CDK18: variants seen among roughly 807,000 people sequenced by gnomAD.
The protein encoded by CDK18 is cyclin-dependent kinase 18.
Under a neutral mutation model 62.0 loss-of-function variants are expected in CDK18, and 52 were observed. The observed-to-expected ratio is 0.84, with a 90% CI of 0.67 to 1.06. The LOEUF is 1.06. Among genes scored for constraint, CDK18 ranks in the 50% least tolerant of loss-of-function variants. The pLI, the probability that CDK18 is intolerant of heterozygous loss-of-function variation, is 0.00. For missense variants in CDK18, 604 were observed against 619.9 expected, an observed-to-expected ratio of 0.97 and a Z score of 0.27; for synonymous variants, 237 against 247.0, an observed-to-expected ratio of 0.96 and a Z score of 0.38.
rs1224335189 is a variant in CDK18, at chr1:205,527,578, C to T, written c.730-216C>T. The T allele has an allele frequency of 3.6e-6, 2 of 561,952 alleles. No homozygotes were observed. The highest frequency in any genetic ancestry group is 3.0e-5 in the East Asian group (1 of 33,584). 34.8% of individuals were successfully genotyped at this position (561,952 alleles called of 1,614,324 possible). A position where few individuals can be genotyped will look rare whatever the true frequency, so the allele number is the denominator to read the frequency against. ...CTGACTGAGACTTCGCTGGCCTCCC[C>T]CACACTCACTGCGTCCTCTGCACCC... On this transcript the variant is annotated intron_variant, in intron 8 of 15. Coordinates refer to ENST00000429964, the MANE Select transcript of CDK18 (RefSeq NM_212502.3). The surrounding 1 kb of genome is among the most constrained non-coding windows in gnomAD (Gnocchi z 4.1).
In CDK18 at chr1:205,516,475, TGAAAA is replaced by T. The variant is rs1484072364; in HGVS notation, c.-21-6665_-21-6661del. The stretch of plus-strand genomic sequence containing the variant: ...CCCCTGGGCCCACAGAGACCAAGAT[TGAAAA>T]GAAAAGCAAACAAAACAAAAAGAGG... On this transcript the variant is annotated intron_variant, in intron 1 of 15. Coordinates refer to ENST00000429964, the MANE Select transcript of CDK18 (RefSeq NM_212502.3). The surrounding 1 kb of genome is among the most constrained non-coding windows in gnomAD (Gnocchi z 4.8). Among the ~76,000 whole-genome samples the T allele has an allele frequency of 1.3e-5, 2 of 151,230 alleles. No individual in the cohort carries two copies. The highest frequency in any genetic ancestry group is 6.6e-5 in the Admixed American group (1 of 15,200).
chr1:205,513,306 A>T (rs1173028132), intron 1 of CDK18, among the ~76,000 whole-genome samples: 1 of 152,194 alleles, frequency 6.6e-6, no homozygotes, highest in Non-Finnish European at 1.5e-5. Context: ...GGGGAGATGG[A>T]GGCCAGGCCT....
intron 3 of CDK18, 117 bp downstream of exon 3, chr1:205,523,742 T>A: frequency 7.6e-7 from 1 of 1,313,008 alleles, no homozygotes; most frequent in Non-Finnish European, 1.0e-6. Flanking sequence ...CCTCTGCCAT[T>A]CATTAGCTCT....
At chr1:205,529,200 C>A in intron 11 of CDK18, 104 bp downstream of exon 11, 1 of 1,349,206 alleles carries the variant, frequency 7.4e-7, no homozygotes, top group Non-Finnish European at 1.0e-6. Context: ...CCGCCTCTCT[C>A]CCGGGCGGGG....
intron 1 of CDK18, among the ~76,000 whole-genome samples, chr1:205,518,176 C>T (rs1450354012): frequency 6.6e-6 from 1 of 152,200 alleles, no homozygotes; most frequent in Non-Finnish European, 1.5e-5. Flanking sequence ...CTGCACTTCC[C>T]ACACCTTCCC....
chr1:205,511,308 GC>G (rs1341719350), intron 1 of CDK18, among the ~76,000 whole-genome samples: 1 of 152,244 alleles, frequency 6.6e-6, no homozygotes, highest in Non-Finnish European at 1.5e-5. Flanking sequence ...GCCTGTGGGT[GC>G]TTTTGTGCTG....
intron 1 of CDK18, among the ~76,000 whole-genome samples, chr1:205,518,252 C>G (rs991383425): frequency 2.6e-5 from 4 of 152,166 alleles, no homozygotes; most frequent in African/African-American, 4.8e-5. Context: ...TTCATTCTGT[C>G]TATTGTCCGC....
At chr1:205,508,744 TGA>T (rs1183850738) in intron 1 of CDK18, among the ~76,000 whole-genome samples, 1 of 151,828 alleles carries the variant, frequency 6.6e-6, no homozygotes, top group African/African-American at 2.4e-5. Flanking sequence ...CTCGGGAGGC[TGA>T]GAGGGGAGGA....
rs1388501082 is a variant in CDK18, at chr1:205,516,192, A to C, written c.-21-6955A>C. 6.6e-6 allele frequency among the ~76,000 whole-genome samples: 1 copy of C among 152,216 alleles called. No homozygotes were observed. Among genetic ancestry groups the C allele is most frequent in the Non-Finnish European group, 1.5e-5 (1 of 68,028 alleles). On this transcript the variant is annotated intron_variant, in intron 1 of 15. Transcript: ENST00000429964. The surrounding 1 kb of genome is among the most constrained non-coding windows in gnomAD (Gnocchi z 4.8). ...GAAGAGATGGTATCTGCAGGCTCCCAGCAGGCACAGTTCTCCCTGGGAGGA... is the reference window on the plus strand; with the variant it reads ...GAAGAGATGGTATCTGCAGGCTCCCCGCAGGCACAGTTCTCCCTGGGAGGA...
intron 4 of CDK18, 89 bp from the exon 5 acceptor site, chr1:205,525,050 C>G (rs895867085): frequency 6.3e-6 from 5 of 795,226 alleles, no homozygotes; most frequent in Non-Finnish European, 1.1e-5. Flanking sequence ...CATCCCTTCC[C>G]TCCCAGAGGC....
At chr1:205,514,522 C>A (rs1304509754) in intron 1 of CDK18, among the ~76,000 whole-genome samples, 1 of 152,140 alleles carries the variant, frequency 6.6e-6, no homozygotes, top group Non-Finnish European at 1.5e-5. Flanking sequence ...AGAAACAGGT[C>A]CCTGGCCTGC....
intron 8 of CDK18, 81 bp downstream of exon 8, chr1:205,526,918 A>G: frequency 8.6e-7 from 1 of 1,160,134 alleles, no homozygotes; most frequent in Non-Finnish European, 1.3e-6. Context: ...TCTCACCACC[A>G]GGGATCCGGC....
chr1:205,524,209 C>T (rs1226310085), intron 3 of CDK18, 23 bp from the exon 4 acceptor site: 1 of 1,613,894 alleles, frequency 6.2e-7, no homozygotes, highest in African/African-American at 1.3e-5. Context: ...AGTGGTGTCC[C>T]CATCTCATCC....
rs751246855 is a variant in CDK18, at chr1:205,523,371, AC to A, written c.130+79del. The A allele has an allele frequency of 1.9e-5, 30 of 1,544,382 alleles. No homozygotes were observed. In the African/African-American group the frequency reaches 3.0e-4, roughly 16 times the overall value. On this transcript the variant is annotated intron_variant, in intron 2 of 15. Coordinates refer to ENST00000429964, the MANE Select transcript of CDK18 (RefSeq NM_212502.3). ...CCCAGTCACCTTCCCCTCCCCGCCCACCCCCTCCCCACTGGCCTTAGGGGAG... is the reference window on the plus strand; with the variant it reads ...CCCAGTCACCTTCCCCTCCCCGCCCACCCCTCCCCACTGGCCTTAGGGGAG...
chr1:205,520,585 A>G (rs533828410), intron 1 of CDK18, among the ~76,000 whole-genome samples: 5 of 152,112 alleles, frequency 3.3e-5, no homozygotes, highest in African/African-American at 1.2e-4. Context: ...CTGTAATCCC[A>G]GCTACTCAGG....
chr1:205,520,601 G>A (rs1435119923), intron 1 of CDK18, among the ~76,000 whole-genome samples: 2 of 151,698 alleles, frequency 1.3e-5, no homozygotes, highest in African/African-American at 4.8e-5. Context: ...TCAGGAGGCT[G>A]AGGCATGAGA....
intron 1 of CDK18, among the ~76,000 whole-genome samples, chr1:205,508,750 G>GTA (rs1411635256): frequency 1.3e-5 from 2 of 150,438 alleles, no homozygotes; most frequent in South Asian, 2.1e-4. Context: ...AGGCTGAGAG[G>GTA]GGAGGATCGC....
At chr1:205,509,147 A>T (rs1667451331) in intron 1 of CDK18, among the ~76,000 whole-genome samples, 1 of 152,066 alleles carries the variant, frequency 6.6e-6, no homozygotes, top group African/African-American at 2.4e-5. Flanking sequence ...AACAAAACAA[A>T]ACAAAAAACG....
rs180977101 is a variant in CDK18, at chr1:205,517,856, C to T, written c.-21-5291C>T. ...TCTCCCCTTGCTCCCCTTGTCTGTTCTCAACACAGCAGCGTGTTAAAGCCT... is the reference window on the plus strand; with the variant it reads ...TCTCCCCTTGCTCCCCTTGTCTGTTTTCAACACAGCAGCGTGTTAAAGCCT... On this transcript the variant is annotated intron_variant, in intron 1 of 15. Transcript: ENST00000429964. The surrounding 1 kb of genome is among the most constrained non-coding windows in gnomAD (Gnocchi z 4.1). Among the ~76,000 whole-genome samples the T allele has an allele frequency of 6.6e-6, 1 of 152,120 alleles. No homozygotes were observed. Among genetic ancestry groups the T allele is most frequent in the Non-Finnish European group, 1.5e-5 (1 of 68,022 alleles).
Sources: gnomAD v4.1 joint callset for allele counts (sites outside exome capture counted in the v4.1 genomes callset) on GRCh38, gnomAD v4.1.1 for gene constraint, Gnocchi (gnomAD v3.1) non-coding constraint, MANE v1.5 for transcripts, NCBI Gene and HGNC (gene_info 2026-07-23, HGNC 2026-07-21) for gene names.